The following AGL variants were observed in gnomAD, a reference collection of about 807,000 sequenced individuals.
AGL encodes the protein amylo-alpha-1,6-glucosidase and 4-alpha-glucanotransferase.
Under a neutral mutation model 199.3 loss-of-function variants are expected in AGL, and 128 were observed. That is an observed-to-expected ratio of 0.64 (90% confidence interval 0.56 to 0.74). AGL has a LOEUF of 0.74. Ranked by LOEUF, AGL falls within the 30% of genes least tolerant of loss-of-function variation. AGL has a pLI of 0.00. For missense variants in AGL, 1,809 were observed against 1,820.8 expected (o/e 0.99, Z 0.12); for synonymous variants, 584 against 594.7 (o/e 0.98, Z 0.26).
intron 5 of AGL, among the ~76,000 whole-genome samples, chr1:99,869,439 A>T (rs1187029819): frequency 6.6e-6 from 1 of 152,206 alleles, no homozygotes; most frequent in Non-Finnish European, 1.5e-5. Flanking sequence ...TGAGTAAATG[A>T]AGCACAAACA....
chr1:99,909,801 AG>A (rs1654605060), intron 27 of AGL, among the ~76,000 whole-genome samples: 2 of 150,442 alleles, frequency 1.3e-5, no homozygotes, highest in African/African-American at 5.0e-5. Flanking sequence ...ATTGTACTTA[AG>A]AGAGGAAGAT....
At chr1:99,877,047 G>A (rs966816769) in intron 11 of AGL, among the ~76,000 whole-genome samples, 1 of 152,114 alleles carries the variant, frequency 6.6e-6, no homozygotes, top group Non-Finnish European at 1.5e-5. Flanking sequence ...TTAGTGTCTT[G>A]TGTTTCTATA....
chr1:99,852,218 A>G (rs149010706), intron 2 of AGL, among the ~76,000 whole-genome samples: 32 of 152,190 alleles, frequency 2.1e-4, no homozygotes, highest in African/African-American at 6.7e-4. Context: ...CTTTTGGAGG[A>G]AAAGCCTTGA....
intron 10 of AGL, among the ~76,000 whole-genome samples, chr1:99,876,155 A>G (rs181180433): frequency 3.5e-4 from 53 of 152,288 alleles, no homozygotes; most frequent in African/African-American, 1.2e-3. Context: ...GATTACAGGC[A>G]TGAGCCACCA....
intron 21 of AGL, among the ~76,000 whole-genome samples, chr1:99,890,868 T>C (rs1383010415): frequency 6.6e-6 from 1 of 152,148 alleles, no homozygotes; most frequent in East Asian, 1.9e-4. Flanking sequence ...TACTTTTCTT[T>C]CTTGAGATGC....
Position 99,864,530 on chromosome 1 carries a change from A to T in AGL, c.605A>T (p.Glu202Val), listed in dbSNP as rs1372975809. The change falls in exon 5 of 34, where the codon GAA (glutamate) becomes GTA (valine). Residue 202 changes from glutamate (E) to valine (V), a missense_variant. Physicochemically the swap from Glu to Val is moderately radical, Grantham distance 121. Coordinates refer to ENST00000361915, the MANE Select transcript of AGL (RefSeq NM_000642.3). ...TGGAATGATGTTGGACAGCTAGTGG[A>T]AAAATTAAAAAAGGAATGGAATGTT... is the stretch of plus-strand genomic sequence containing the variant. ...YTWNDVGQLV[E>V]KLKKEWNVIC... 27 of 1,613,796 alleles carry T rather than the reference A, an allele frequency of 1.7e-5. No individual in the cohort carries two copies. Among genetic ancestry groups the T allele is most frequent in the Non-Finnish European group, 2.3e-5 (27 of 1,179,876 alleles).
In AGL at chr1:99,921,561, GA is replaced by G; in HGVS notation, c.4510del (p.Thr1504ProfsTer43). On this transcript the variant is annotated frameshift_variant, in exon 34 of 34. Coordinates refer to ENST00000361915, the MANE Select transcript of AGL (RefSeq NM_000642.3). LOFTEE classifies it high-confidence loss of function. ...RSPWKGLPELTNENAQYCPFS... is the reference protein window; with the variant it reads ...RSPWKGLPELXNENAQYCPFS... ...CCCCTTGGAAAGGACTTCCAGAACT[GA>G]CCAATGAGAATGCCCAGTACTGTCC... 1 of 1,612,932 alleles carries G rather than the reference GA, an allele frequency of 6.2e-7. No individual in the cohort carries two copies.
At chr1:99,908,623 C>G (rs747600562) in intron 27 of AGL, among the ~76,000 whole-genome samples, 3 of 152,180 alleles carry the variant, frequency 2.0e-5, no homozygotes, top group Non-Finnish European at 4.4e-5. Flanking sequence ...TGAGTCACCT[C>G]AGTGTTGTCA....
At chr1:99,892,324 T>C in intron 23 of AGL, 108 bp from the exon 24 acceptor site, 1 of 991,042 alleles carries the variant, frequency 1.0e-6, no homozygotes, top group South Asian at 1.5e-5. Context: ...ATATTACTAT[T>C]GTTATAGATT....
At chr1:99,884,833 G>A (rs1407069729) in intron 20 of AGL, 130 bp downstream of exon 20, 6 of 1,060,782 alleles carry the variant, frequency 5.7e-6, no homozygotes, top group Non-Finnish European at 7.1e-6. Flanking sequence ...AGCAGTGTCA[G>A]CATCACCTGT....
chr1:99,868,638 T>C (rs1010014173), intron 5 of AGL, among the ~76,000 whole-genome samples: 4 of 151,800 alleles, frequency 2.6e-5, no homozygotes, highest in African/African-American at 9.7e-5. Context: ...TTAAATTAGC[T>C]GTGTGTGTTG....
chr1:99,852,649 T>G (rs1215500348), intron 2 of AGL: 1 of 768,670 alleles, frequency 1.3e-6, no homozygotes. Context: ...GTACTGGGAT[T>G]ACAAGCATAA....
chr1:99,900,979 T>C, intron 26 of AGL, 118 bp downstream of exon 26: 1 of 993,140 alleles, frequency 1.0e-6, no homozygotes, highest in Non-Finnish European at 1.5e-6. Flanking sequence ...ATTATTCAAA[T>C]GTCAGTATTG....
intron 31 of AGL, among the ~76,000 whole-genome samples, chr1:99,915,903 A>G (rs568657401): frequency 1.3e-5 from 2 of 152,366 alleles, no homozygotes; most frequent in East Asian, 3.9e-4. Flanking sequence ...ATGTATTACA[A>G]TAAAGCAATA....
At chr1:99,885,397 A>G (rs1208001129) in intron 20 of AGL, among the ~76,000 whole-genome samples, 1 of 152,206 alleles carries the variant, frequency 6.6e-6, no homozygotes, top group African/African-American at 2.4e-5. Context: ...AAATGCTCAT[A>G]GTTTGCCATC....
chr1:99,914,742 A>G (rs553010815), intron 30 of AGL, among the ~76,000 whole-genome samples: 1 of 152,280 alleles, frequency 6.6e-6, no homozygotes, highest in East Asian at 1.9e-4. Flanking sequence ...GTACTTAAAG[A>G]AAGCTATTAT....
intron 27 of AGL, among the ~76,000 whole-genome samples, chr1:99,907,693 G>GTTTTTTTTGTTTTTTTTTT (rs148390359): frequency 8.4e-6 from 1 of 118,944 alleles, no homozygotes; most frequent in African/African-American, 3.0e-5. Flanking sequence ...TTTGTTTTTT[G>GTTTTTTTTGTTTTTTTTTT]TTTTTTTTGC....
At chr1:99,912,697 G>A (rs1246506782) in intron 29 of AGL, among the ~76,000 whole-genome samples, 180 bp downstream of exon 29, 3 of 152,054 alleles carry the variant, frequency 2.0e-5, no homozygotes, top group Non-Finnish European at 4.4e-5. Flanking sequence ...CATATTTGTC[G>A]CAACTTTGAA....
intron 33 of AGL, among the ~76,000 whole-genome samples, chr1:99,918,179 T>C (rs909800408): frequency 2.0e-5 from 3 of 152,204 alleles, no homozygotes; most frequent in Non-Finnish European, 2.9e-5. Context: ...AAAGTTAAGC[T>C]TTTTTCTCTT....
Sources: gnomAD v4.1 joint callset for allele counts (sites outside exome capture counted in the v4.1 genomes callset) on GRCh38, gnomAD v4.1.1 for gene constraint, MANE v1.5 for transcripts, NCBI Gene and HGNC (gene_info 2026-07-23, HGNC 2026-07-21) for gene names.